The following CTNNA3 variants were observed in gnomAD, a reference collection of about 807,000 sequenced individuals.
CTNNA3 encodes the protein catenin alpha 3.
A neutral mutation model predicts 95.7 loss-of-function variants in CTNNA3; 76 were observed. That is an observed-to-expected ratio of 0.79 (90% CI 0.66 to 0.96). The LOEUF (loss-of-function observed/expected upper bound fraction) is 0.96, where lower values mean the gene tolerates loss of function less well. Ranked by LOEUF, CTNNA3 falls within the 40% of genes least tolerant of loss-of-function variation. CTNNA3 has a pLI of 0.00. For synonymous variants in CTNNA3, 431 were observed against 374.4 expected, an observed-to-expected ratio of 1.15 and a Z score of -1.74; for missense variants, 1,191 against 1,089.8, an observed-to-expected ratio of 1.09 and a Z score of -1.31.
At chr10:65,973,669 G>A (rs942442815) in intron 16 of CTNNA3, among the ~76,000 whole-genome samples, 4 of 152,110 alleles carry the variant, frequency 2.6e-5, no homozygotes, top group African/African-American at 9.7e-5. Context: ...GCTTTGGGGT[G>A]GGGGCTCAGG....
At chr10:67,421,137 A>G (rs935113862) in intron 5 of CTNNA3, among the ~76,000 whole-genome samples, 1 of 152,220 alleles carries the variant, frequency 6.6e-6, no homozygotes, top group Non-Finnish European at 1.5e-5. Flanking sequence ...ATCAAAAGAC[A>G]TCAATAAAAT....
intron 11 of CTNNA3, 73 bp downstream of exon 11, chr10:66,520,544 G>T: frequency 7.2e-7 from 1 of 1,380,998 alleles, no homozygotes; most frequent in Non-Finnish European, 9.8e-7. Flanking sequence ...GAGCCACCAT[G>T]CCTGTCCCAG....
chr10:66,956,740 T>A (rs1299342442), intron 7 of CTNNA3, among the ~76,000 whole-genome samples: 1 of 152,186 alleles, frequency 6.6e-6, no homozygotes, highest in African/African-American at 2.4e-5. Context: ...TCCAAAGTGG[T>A]TGCTTAACTG....
At chr10:67,478,484 A>G (rs1258711378) in intron 5 of CTNNA3, among the ~76,000 whole-genome samples, 1 of 152,192 alleles carries the variant, frequency 6.6e-6, no homozygotes. Context: ...CATTTTCAGC[A>G]TTCTAAAAAG....
intron 12 of CTNNA3, among the ~76,000 whole-genome samples, chr10:66,371,725 G>T (rs1188912214): frequency 6.6e-6 from 1 of 152,050 alleles, no homozygotes; most frequent in East Asian, 1.9e-4. Flanking sequence ...TTATTATGCA[G>T]GGAATATGCC....
At chr10:66,479,484 AT>A (rs1359588954) in intron 11 of CTNNA3, among the ~76,000 whole-genome samples, 5 of 152,024 alleles carry the variant, frequency 3.3e-5, no homozygotes, top group African/African-American at 1.2e-4. Context: ...CAATACACAA[AT>A]TTTTGGAAAT....
intron 13 of CTNNA3, among the ~76,000 whole-genome samples, chr10:66,167,170 C>T (rs1466146827): frequency 6.6e-6 from 1 of 152,000 alleles, no homozygotes; most frequent in South Asian, 2.1e-4. Context: ...GGACACTGTG[C>T]TGTATGTAAA....
chr10:67,583,166 A>G (rs979243424), intron 3 of CTNNA3, among the ~76,000 whole-genome samples: 15 of 151,844 alleles, frequency 9.9e-5, no homozygotes, highest in African/African-American at 3.6e-4. Flanking sequence ...GATGGTCTTT[A>G]CAATTGGCAT....
chr10:67,760,528 T>C (rs1841456705), intron 1 of CTNNA3, among the ~76,000 whole-genome samples: 1 of 152,166 alleles, frequency 6.6e-6, no homozygotes, highest in Non-Finnish European at 1.5e-5. Flanking sequence ...CTAACCTAGA[T>C]GGTATGGACT....
chr10:66,421,272 C>T (rs920463156), intron 11 of CTNNA3, among the ~76,000 whole-genome samples: 13 of 151,844 alleles, frequency 8.6e-5, no homozygotes, highest in East Asian at 3.9e-4. Flanking sequence ...GGGTTGGTAG[C>T]GGAGGGTGAA....
At position 66,621,733 on chromosome 10, in the gene CTNNA3, C is replaced by T; in HGVS notation, c.1333G>A (p.Val445Ile). 2 of 1,612,150 alleles carry T rather than the reference C, an allele frequency of 1.2e-6. No individual in the cohort carries two copies. Among genetic ancestry groups the T allele is most frequent in the East Asian group, 2.2e-5 (1 of 44,684 alleles). The change falls in exon 10 of 18, where the codon GTC becomes ATC. Residue 445 changes from valine (V) to isoleucine (I), a missense_variant. Val to Ile is a conservative substitution (Grantham distance 29). Transcript: ENST00000433211. ...MSTNEDGIKI[V>I]KIAANHLETL... ...TCCAAATGATTGGCTGCAATTTTGA[C>T]AATTTTAATTCCATCTTCATTTGTT...
intron 15 of CTNNA3, among the ~76,000 whole-genome samples, chr10:65,996,826 C>G (rs1342396550): frequency 1.3e-5 from 2 of 152,122 alleles, no homozygotes; most frequent in African/African-American, 4.8e-5. Context: ...TTTCTTGCTT[C>G]AGGTGTTTCA....
At chr10:67,700,978 C>T (rs369928460), upstream of CTNNA3, among the ~76,000 whole-genome samples, 11 of 152,136 alleles carry the variant, frequency 7.2e-5, no homozygotes, top group South Asian at 2.1e-4. Context: ...ACGTGAAGAA[C>T]GCAGAAGCCT....
chr10:66,435,295 T>C (rs1318730433), intron 11 of CTNNA3, among the ~76,000 whole-genome samples: 1 of 152,302 alleles, frequency 6.6e-6, no homozygotes, highest in East Asian at 1.9e-4. Flanking sequence ...TTTTGGTTGG[T>C]AAGCTATTAA....
At chr10:66,093,376 G>A (rs1564635424) in intron 14 of CTNNA3, among the ~76,000 whole-genome samples, 1 of 152,002 alleles carries the variant, frequency 6.6e-6, no homozygotes, top group South Asian at 2.1e-4. Context: ...CAGCTTTTCA[G>A]CAGAAGTTTT....
chr10:66,027,961 T>C (rs1337266237), intron 15 of CTNNA3, among the ~76,000 whole-genome samples: 1 of 152,162 alleles, frequency 6.6e-6, no homozygotes, highest in African/African-American at 2.4e-5. Flanking sequence ...AGTCCTCCAG[T>C]TTAAAGGACA....
intron 1 of CTNNA3, among the ~76,000 whole-genome samples, chr10:67,650,792 G>A (rs561333641): frequency 2.6e-5 from 4 of 152,220 alleles, no homozygotes; most frequent in Admixed American, 2.0e-4. Flanking sequence ...TCGTGCCCTG[G>A]CAGCAAAGGA....
At chr10:67,059,403 A>C (rs982613039) in intron 7 of CTNNA3, among the ~76,000 whole-genome samples, 2 of 152,298 alleles carry the variant, frequency 1.3e-5, no homozygotes, top group South Asian at 2.1e-4. Context: ...AAGAATTGAA[A>C]ACAATTAATT....
intron 3 of CTNNA3, among the ~76,000 whole-genome samples, chr10:67,602,848 A>G (rs1353131468): frequency 6.6e-6 from 1 of 152,220 alleles, no homozygotes; most frequent in African/African-American, 2.4e-5. Flanking sequence ...CAAAGAATCA[A>G]CAGAGAAACT....
Sources: allele counts gnomAD v4.1 joint callset (sites outside exome capture counted in the v4.1 genomes callset), GRCh38; gene constraint gnomAD v4.1.1; transcripts MANE v1.5; gene names NCBI Gene and HGNC (gene_info 2026-07-23, HGNC 2026-07-21).